DNAH3: variants seen among roughly 807,000 people sequenced by gnomAD.
DNAH3 encodes the protein dynein axonemal heavy chain 3, also known as axonemal beta dynein heavy chain 3.
DNAH3 carries 332 observed loss-of-function variants against 432.5 expected under a neutral mutation model. The observed-to-expected ratio is 0.77, with a 90% CI of 0.70 to 0.84. DNAH3 has a LOEUF of 0.84. DNAH3 is among the 40% of genes least tolerant of loss of function. The pLI is 0.00. For missense variants in DNAH3, 4,861 were observed against 5,114.0 expected (o/e 0.95, Z 1.51); for synonymous variants, 1,956 against 1,900.2 (o/e 1.03, Z -0.76).
At chr16:20,944,526 T>C (rs2083956383) in exon 58 of DNAH3, 1 of 1,614,104 alleles carries the variant, frequency 6.2e-7, no homozygotes, top group African/African-American at 1.3e-5. Flanking sequence ...CTCCTGACTG[T>C]CTAGGGAGGG....
At chr16:20,963,149 C>T in intron 53 of DNAH3, 135 bp downstream of exon 53, 1 of 819,152 alleles carries the variant, frequency 1.2e-6, no homozygotes, top group Non-Finnish European at 1.9e-6. Flanking sequence ...AGTTCCGTGG[C>T]TCCACCTCAG....
Position 21,104,467 on chromosome 16 carries a change from G to C in DNAH3, c.2366+4C>G. ...TCCAAGACAATCCCAGACTCTCCCG[G>C]TACCTTTTAATCAGATCCATTTCTG... On this transcript the variant is annotated splice_donor_region_variant and intron_variant, in intron 16 of 61. Transcript: ENST00000261383. The C allele has an allele frequency of 6.2e-7, 1 of 1,613,264 alleles. No individual in the cohort carries two copies. The highest frequency in any genetic ancestry group is 8.5e-7 in the Non-Finnish European group (1 of 1,179,286).
chr16:21,102,309 G>A (rs976196765), intron 16 of DNAH3, among the ~76,000 whole-genome samples: 1 of 152,286 alleles, frequency 6.6e-6, no homozygotes, highest in East Asian at 1.9e-4. Context: ...ATTCCTCACA[G>A]AGCCACCCCT....
At chr16:21,054,034 G>T (rs1353215247) in intron 28 of DNAH3, among the ~76,000 whole-genome samples, 3 of 152,078 alleles carry the variant, frequency 2.0e-5, no homozygotes, top group Non-Finnish European at 4.4e-5. Context: ...CCCAGGTTCT[G>T]AATCTGTGAA....
intron 5 of DNAH3, 185 bp downstream of exon 6, chr16:21,140,351 T>A (rs370909426): frequency 1.8e-6 from 1 of 561,572 alleles, no homozygotes; most frequent in Non-Finnish European, 3.2e-6. Context: ...ACACTCTCTC[T>A]CCTTCTCTCT....
At chr16:21,038,175 A>G (rs1034617341) in intron 33 of DNAH3, among the ~76,000 whole-genome samples, 195 bp from the exon 34 acceptor site, 3 of 152,116 alleles carry the variant, frequency 2.0e-5, no homozygotes, top group African/African-American at 7.2e-5. Flanking sequence ...AAGCAAGTGA[A>G]CATATATGTA....
chr16:21,142,219 T>C (rs961236424), intron 3 of DNAH3, among the ~76,000 whole-genome samples: 13 of 151,448 alleles, frequency 8.6e-5, no homozygotes, highest in African/African-American at 2.9e-4. Flanking sequence ...ATACAAAAAT[T>C]AGCCAGGCAT....
At chr16:21,154,933 T>C (rs2092888476) in intron 1 of DNAH3, among the ~76,000 whole-genome samples, 1 of 151,102 alleles carries the variant, frequency 6.6e-6, no homozygotes. Flanking sequence ...AGTTTCTCAA[T>C]CTTCTTTTTC....
chr16:21,159,240 C>T, intron 1 of DNAH3: 2 of 1,238,670 alleles, frequency 1.6e-6, no homozygotes, highest in Non-Finnish European at 2.4e-6. Context: ...TCTTTACCCC[C>T]AAATTAATAA....
chr16:20,944,162 GAGTT>G (rs927980694), intron 58 of DNAH3, among the ~76,000 whole-genome samples: 6 of 149,440 alleles, frequency 4.0e-5, no homozygotes, highest in Non-Finnish European at 8.9e-5. Flanking sequence ...AAAAAAAAGA[GAGTT>G]AGTTTTAAAA....
In DNAH3 at chr16:21,042,009, A is replaced by T. The variant is rs772064401; in HGVS notation, c.4638+18T>A. On this transcript the variant is annotated intron_variant, in intron 32 of 61. Transcript: ENST00000261383. ...ATTCTAAAAAGCACACCCCACATGT[A>T]TATCTGCTGGCATTTACCTTGAGAT... is the stretch of plus-strand genomic sequence containing the variant. 6 of 1,613,574 alleles carry T rather than the reference A, an allele frequency of 3.7e-6. No homozygotes were observed. The highest frequency in any genetic ancestry group is 2.5e-6 in the Non-Finnish European group (3 of 1,179,896).
At position 21,081,170 on chromosome 16, in the gene DNAH3, C is replaced by T. The variant is rs376174125; in HGVS notation, c.2969+466G>A. ...CTGACCTCAAGTGGTCCGCCTGCCT[C>T]GGCCCCCCAGAGTGCTGAAATTACA... On this transcript the variant is annotated intron_variant, in intron 20 of 61. Transcript: ENST00000261383. 3.0e-4 allele frequency among the ~76,000 whole-genome samples: 46 copies of T among 152,162 alleles called. No individual in the cohort carries two copies. In the South Asian group the frequency reaches 7.3e-3, roughly 24 times the overall value.
chr16:20,969,745 C>T (rs1410755385), intron 52 of DNAH3, 47 bp downstream of exon 52: 2 of 1,606,632 alleles, frequency 1.2e-6, no homozygotes, highest in African/African-American at 2.7e-5. Context: ...CACCCCACTG[C>T]CAGGAAAGAG....
chr16:21,106,608 C>A, exon 15 of DNAH3: 2 of 1,610,118 alleles, frequency 1.2e-6, no homozygotes, highest in Non-Finnish European at 1.7e-6. Flanking sequence ...TGAGGGATAC[C>A]AGCTCCTTAG....
chr16:21,034,124 G>T, intron 35 of DNAH3, 39 bp from the exon 36 acceptor site: 1 of 1,352,074 alleles, frequency 7.4e-7, no homozygotes. Flanking sequence ...GCTAATCATT[G>T]CAACGCTCCC....
exon 39 of DNAH3, chr16:21,024,683 C>T: frequency 6.8e-6 from 11 of 1,613,754 alleles, no homozygotes; most frequent in Non-Finnish European, 9.3e-6. Context: ...GATGGGGCTC[C>T]ATGTAGATCA....
At chr16:21,138,404 G>A (rs1263051518) in intron 5 of DNAH3, among the ~76,000 whole-genome samples, 1 of 152,170 alleles carries the variant, frequency 6.6e-6, no homozygotes, top group East Asian at 1.9e-4. Flanking sequence ...GGTAAAAAGT[G>A]CTTGTTAAAA....
intron 56 of DNAH3, among the ~76,000 whole-genome samples, chr16:20,950,319 T>C (rs983123798): frequency 1.3e-5 from 2 of 152,216 alleles, no homozygotes; most frequent in Non-Finnish European, 2.9e-5. Flanking sequence ...ACCTTGGCAC[T>C]CTTAACATGT....
intron 1 of DNAH3, 152 bp from the exon 3 acceptor site, chr16:21,146,240 G>T (rs1234209211): frequency 3.4e-6 from 2 of 590,222 alleles, no homozygotes; most frequent in African/African-American, 3.7e-5. Context: ...CATCCATTAT[G>T]TATGTTTCAT....
Sources: gnomAD v4.1 joint callset for allele counts (sites outside exome capture counted in the v4.1 genomes callset) on GRCh38, gnomAD v4.1.1 for gene constraint, MANE v1.5 for transcripts, NCBI Gene and HGNC (gene_info 2026-07-23, HGNC 2026-07-21) for gene names.